Variants in PATJ observed in about 807,000 individuals in gnomAD.
The protein encoded by PATJ is PATJ crumbs cell polarity complex component.
In PATJ, 190 loss-of-function variants were observed where a neutral mutation model predicts 224.9. That is an observed-to-expected ratio of 0.84 (90% CI 0.75 to 0.95). The LOEUF (loss-of-function observed/expected upper bound fraction) is 0.95. Ranked by LOEUF, PATJ falls within the 40% of genes least tolerant of loss-of-function variation. PATJ has a pLI of 0.00. For missense variants in PATJ, 2,121 were observed against 2,270.3 expected, an observed-to-expected ratio of 0.93 and a Z score of 1.34; for synonymous variants, 769 against 820.3, an observed-to-expected ratio of 0.94 and a Z score of 1.07.
intron 16 of PATJ, among the ~76,000 whole-genome samples, chr1:61,829,323 T>C (rs1658899632): frequency 1.3e-5 from 2 of 152,240 alleles, no homozygotes; most frequent in African/African-American, 4.8e-5. Context: ...GTAAAAACTA[T>C]TTCAAGGAGG....
intron 17 of PATJ, among the ~76,000 whole-genome samples, chr1:61,836,532 C>A (rs1660205662): frequency 6.6e-6 from 1 of 152,160 alleles, no homozygotes; most frequent in African/African-American, 2.4e-5. Flanking sequence ...AACTTGGATG[C>A]TTTTCTTAAG....
intron 20 of PATJ, among the ~76,000 whole-genome samples, chr1:61,869,244 C>A (rs911225689): frequency 2.7e-5 from 4 of 148,972 alleles, no homozygotes; most frequent in Admixed American, 1.3e-4. Flanking sequence ...GTAGCTGGGA[C>A]TACAGGCGCC....
At chr1:62,128,210 T>A in intron 40 of PATJ, 116 bp downstream of exon 40, 1 of 1,175,640 alleles carries the variant, frequency 8.5e-7, no homozygotes, top group Non-Finnish European at 1.2e-6. Flanking sequence ...AGACCCAGGC[T>A]GAGGGCAAGA....
In PATJ at chr1:61,769,277, C is replaced by A; in HGVS notation, c.385-6C>A. On this transcript the variant is annotated splice_region_variant and splice_polypyrimidine_tract_variant and intron_variant, in intron 4 of 43. Transcript: ENST00000642238. ...TTGACTTTTTTTTTTAACGCTCCTT[C>A]ATTAGGGCCGGCAAATTGAATATAT... The A allele has an allele frequency of 6.3e-7, 1 of 1,597,540 alleles. No homozygotes were observed.
chr1:62,101,259 CTTTTTTT>C (rs916854253), intron 33 of PATJ, among the ~76,000 whole-genome samples: 5 of 122,608 alleles, frequency 4.1e-5, no homozygotes, highest in Admixed American at 1.7e-4. Flanking sequence ...CTTTTCTTTT[CTTTTTTT>C]TTTTTTTTTT....
chr1:62,139,183 G>A (rs112318859), intron 41 of PATJ, among the ~76,000 whole-genome samples: 11 of 152,054 alleles, frequency 7.2e-5, no homozygotes, highest in African/African-American at 2.2e-4. Context: ...GGCGGATCAC[G>A]TGAGGTTGGG....
At chr1:61,918,440 T>G (rs976357996) in intron 26 of PATJ, among the ~76,000 whole-genome samples, 12 of 151,454 alleles carry the variant, frequency 7.9e-5, no homozygotes, top group Non-Finnish European at 1.5e-4. Context: ...CCCGAGTAGC[T>G]GGGATTACAG....
At chr1:62,026,683 G>A (rs923968354) in intron 29 of PATJ, among the ~76,000 whole-genome samples, 2 of 152,202 alleles carry the variant, frequency 1.3e-5, no homozygotes, top group South Asian at 4.1e-4. Flanking sequence ...CTGAAAGGAC[G>A]TTTCCAAGAG....
chr1:61,820,738 C>G (rs908211591), intron 14 of PATJ, among the ~76,000 whole-genome samples: 1 of 152,220 alleles, frequency 6.6e-6, no homozygotes, highest in Non-Finnish European at 1.5e-5. Flanking sequence ...AGTCTGCTCT[C>G]AAGCCAGTAT....
chr1:62,007,190 A>C (rs1646142654), intron 28 of PATJ, among the ~76,000 whole-genome samples: 1 of 152,182 alleles, frequency 6.6e-6, no homozygotes, highest in Non-Finnish European at 1.5e-5. Context: ...ACTGAACGAC[A>C]TTTTATTGAG....
At chr1:61,767,834 G>A (rs1020864845) in intron 4 of PATJ, among the ~76,000 whole-genome samples, 15 of 151,468 alleles carry the variant, frequency 9.9e-5, no homozygotes, top group South Asian at 2.1e-4. Flanking sequence ...GTGTCACCAC[G>A]CCTGGCTAAT....
intron 33 of PATJ, among the ~76,000 whole-genome samples, chr1:62,085,844 G>A (rs1482976896): frequency 6.7e-6 from 1 of 149,670 alleles, no homozygotes; most frequent in Non-Finnish European, 1.5e-5. Context: ...AAAAAAAAAG[G>A]TATGCATGAA....
rs1366194932 is a variant in PATJ, at chr1:61,864,486, G to A, written c.2688G>A (p.Glu896=). The part of the protein sequence containing the change: ...MELYPLSHIQ[E]ATPVPSVNEL... ...TGTATCCCTTGTCGCACATTCAAGA[G>A]GCCACTCCTGTGCCCTCTGTGAATG... The change falls in exon 20 of 44, where the codon GAG becomes GAA. Residue 896 remains glutamate, a synonymous_variant. Coordinates refer to ENST00000642238, the MANE Select transcript of PATJ (RefSeq NM_001350145.3). 2.5e-6 allele frequency: 4 copies of A among 1,614,008 alleles called. No homozygotes were observed. Among genetic ancestry groups the A allele is most frequent in the Non-Finnish European group, 3.4e-6 (4 of 1,179,962 alleles).
intron 14 of PATJ, among the ~76,000 whole-genome samples, chr1:61,810,188 T>C (rs1224190296): frequency 6.6e-6 from 1 of 152,134 alleles, no homozygotes. Flanking sequence ...AGAGTCTTTC[T>C]TCCCTTCCCA....
intron 31 of PATJ, among the ~76,000 whole-genome samples, chr1:62,063,879 T>C (rs1383206462): frequency 2.6e-5 from 4 of 152,250 alleles, no homozygotes; most frequent in Non-Finnish European, 1.5e-5. Flanking sequence ...CTGACGTCAT[T>C]TATCAGGTCT....
chr1:62,043,914 G>C (rs375356828), intron 30 of PATJ, among the ~76,000 whole-genome samples: 25 of 152,000 alleles, frequency 1.6e-4, no homozygotes, highest in African/African-American at 6.0e-4. Flanking sequence ...TTTTTGCAGA[G>C]ACAGAATCTC....
rs150571602 is a variant in PATJ, at chr1:61,754,429, C to A, written c.-35-8429C>A. Among the ~76,000 whole-genome samples, 874 of 151,668 alleles carry A rather than the reference C, an allele frequency of 5.8e-3. 11 individuals are homozygous for A. The highest frequency in any genetic ancestry group is 0.02 in the African/African-American group (829 of 41,344). ...TTTTTGTCATAGCTAACTGCACCCT[C>A]AATTTCCTGGGCTTGGGTAATTCTC... is the stretch of plus-strand genomic sequence containing the variant. On this transcript the variant is annotated intron_variant, in intron 1 of 43. Transcript: ENST00000642238.
At chr1:62,079,732 T>C (rs11207899) in intron 32 of PATJ, among the ~76,000 whole-genome samples, 165 bp downstream of exon 32, 13,418 of 152,150 alleles carry the variant, frequency 0.088, 1,233 homozygotes, top group African/African-American at 0.24. Flanking sequence ...ATTTCCTACA[T>C]CATTTTTCCT....
intron 28 of PATJ, among the ~76,000 whole-genome samples, chr1:62,004,695 G>A (rs12749323): frequency 0.15 from 22,287 of 152,150 alleles, 2,031 homozygotes; most frequent in Non-Finnish European, 0.21. Context: ...TATTAGGCAT[G>A]TGTGCACATG....
Sources: gnomAD v4.1 joint callset for allele counts (sites outside exome capture counted in the v4.1 genomes callset) on GRCh38, gnomAD v4.1.1 for gene constraint, MANE v1.5 for transcripts, NCBI Gene and HGNC (gene_info 2026-07-23, HGNC 2026-07-21) for gene names.